The following CSRNP3 variants were observed in gnomAD, a reference collection of about 807,000 sequenced individuals.
The protein encoded by CSRNP3 is cysteine and serine rich nuclear protein 3.
CSRNP3 carries 12 observed loss-of-function variants against 48.0 expected under a neutral mutation model. The ratio of observed to expected loss-of-function variants is 0.25; its 90% CI spans 0.16 to 0.41. CSRNP3 has a LOEUF of 0.41. Among genes scored for constraint, CSRNP3 ranks in the 10% least tolerant of loss-of-function variants. The pLI is 1.00. For synonymous variants in CSRNP3, 263 were observed against 269.7 expected, an observed-to-expected ratio of 0.98 and a Z score of 0.24; for missense variants, 580 against 724.4, an observed-to-expected ratio of 0.80 and a Z score of 2.29.
intron 2 of CSRNP3, among the ~76,000 whole-genome samples, chr2:165,499,513 C>T (rs757045823): frequency 6.6e-6 from 1 of 152,058 alleles, no homozygotes; most frequent in Non-Finnish European, 1.5e-5. Flanking sequence ...AAAAAGAAAT[C>T]CTTCTTTTTT....
intron 3 of CSRNP3, among the ~76,000 whole-genome samples, chr2:165,530,822 C>T (rs182855050): frequency 4.3e-4 from 65 of 151,916 alleles, no homozygotes; most frequent in African/African-American, 1.5e-3. Context: ...GCATACATTT[C>T]CTGAAACAAA....
chr2:165,524,036 G>C (rs1684699043), intron 3 of CSRNP3, among the ~76,000 whole-genome samples: 1 of 152,086 alleles, frequency 6.6e-6, no homozygotes, highest in African/African-American at 2.4e-5. Flanking sequence ...ATGTCTAACA[G>C]GGACACACAC....
intron 3 of CSRNP3, among the ~76,000 whole-genome samples, chr2:165,549,288 T>C (rs1324670871): frequency 3.3e-5 from 5 of 152,254 alleles, no homozygotes; most frequent in African/African-American, 7.2e-5. Context: ...TGTTTTCTAG[T>C]ATGAAAATAT....
chr2:165,493,290 G>A (rs948111031), intron 1 of CSRNP3, among the ~76,000 whole-genome samples: 7 of 151,946 alleles, frequency 4.6e-5, no homozygotes, highest in Non-Finnish European at 1.0e-4. Context: ...GTATTTGATG[G>A]CTTAAGATGT....
chr2:165,541,622 A>T (rs1260436792), intron 3 of CSRNP3, among the ~76,000 whole-genome samples: 1 of 152,096 alleles, frequency 6.6e-6, no homozygotes, highest in African/African-American at 2.4e-5. Flanking sequence ...GAATTAGATA[A>T]TCTCTGCCTA....
chr2:165,554,473 A>T (rs1685137898), intron 3 of CSRNP3, among the ~76,000 whole-genome samples: 1 of 151,962 alleles, frequency 6.6e-6, no homozygotes, highest in African/African-American at 2.4e-5. Context: ...ACTAACCTGA[A>T]CTCTTGTTCT....
At position 165,689,269 on chromosome 2, in the gene CSRNP3, T is replaced by TAA. The variant is rs990435614; in HGVS notation, c.*9517_*9518dup. ...TTTTATTGCAGTGTGTATATATATA[T>TAA]AACAAATAAGCATTTTTAAGTCTTA... On this transcript the variant is annotated 3_prime_UTR_variant, in exon 7 of 7. Transcript: ENST00000651982. 5.3e-5 allele frequency: 8 copies of TAA among 152,152 alleles called. No individual in the cohort carries two copies. Among genetic ancestry groups the TAA allele is most frequent in the African/African-American group, 1.7e-4 (7 of 41,432 alleles). 9.4% of individuals were successfully genotyped at this position (152,152 alleles called of 1,614,324 possible). A position where few individuals can be genotyped will look rare whatever the true frequency, so the allele number is the denominator to read the frequency against.
chr2:165,664,104 T>C (rs1687139808), intron 5 of CSRNP3, among the ~76,000 whole-genome samples: 1 of 152,206 alleles, frequency 6.6e-6, no homozygotes. Context: ...CAACCAAACA[T>C]TCCTAGTTCT....
chr2:165,561,784 A>G (rs1410265813), intron 3 of CSRNP3, among the ~76,000 whole-genome samples: 1 of 152,116 alleles, frequency 6.6e-6, no homozygotes, highest in Non-Finnish European at 1.5e-5. Context: ...CCAGTAAGGA[A>G]TTTCTATTTT....
intron 4 of CSRNP3, among the ~76,000 whole-genome samples, chr2:165,634,896 G>T (rs181295606): frequency 1.3e-5 from 2 of 152,190 alleles, no homozygotes; most frequent in Non-Finnish European, 2.9e-5. Flanking sequence ...TTGTTATCTC[G>T]TCCAGGAAGG....
chr2:165,509,232 G>A (rs945456950), intron 2 of CSRNP3, among the ~76,000 whole-genome samples: 5 of 152,114 alleles, frequency 3.3e-5, no homozygotes, highest in Non-Finnish European at 7.3e-5. Flanking sequence ...ATAGGAATGG[G>A]GATAGCTATT....
At chr2:165,545,011 T>C (rs1003768827) in intron 3 of CSRNP3, among the ~76,000 whole-genome samples, 3 of 152,112 alleles carry the variant, frequency 2.0e-5, no homozygotes, top group Admixed American at 2.0e-4. Flanking sequence ...GAATGGGTAG[T>C]ATGGGCCACA....
chr2:165,646,684 A>G (rs1558960886), intron 4 of CSRNP3, among the ~76,000 whole-genome samples: 1 of 152,166 alleles, frequency 6.6e-6, no homozygotes, highest in African/African-American at 2.4e-5. Flanking sequence ...TGGTTGCAAC[A>G]GCGCGGGTAT....
Position 165,679,267 on chromosome 2 carries a change from G to C in CSRNP3, c.1272G>C (p.Lys424Asn). Residue 424 changes from lysine to asparagine, a missense_variant, in exon 7 of 7, where the codon AAG (lysine) becomes AAC (asparagine). Lys to Asn is a moderately conservative substitution (Grantham distance 94, BLOSUM62 0). Coordinates refer to ENST00000651982, the MANE Select transcript of CSRNP3 (RefSeq NM_001172173.2). ...CCGCCGTTCACGAAAGCCATGCAAAGAATGCTTCTTTTTATGCCAACTCTT... is the reference window on the plus strand; with the variant it reads ...CCGCCGTTCACGAAAGCCATGCAAACAATGCTTCTTTTTATGCCAACTCTT... The part of the protein sequence containing the change: ...DGTAVHESHA[K>N]NASFYANSST... 3 of 1,613,924 alleles carry C rather than the reference G, an allele frequency of 1.9e-6. No homozygotes were observed. The highest frequency in any genetic ancestry group is 1.7e-6 in the Non-Finnish European group (2 of 1,179,966).
chr2:165,499,017 G>A (rs576841570), intron 2 of CSRNP3, among the ~76,000 whole-genome samples: 12 of 152,198 alleles, frequency 7.9e-5, no homozygotes, highest in East Asian at 1.9e-4. Context: ...TAGAGTGTTC[G>A]TATTTTATAA....
chr2:165,639,831 A>G (rs961685908), intron 4 of CSRNP3, among the ~76,000 whole-genome samples: 8 of 152,184 alleles, frequency 5.3e-5, no homozygotes, highest in Admixed American at 3.9e-4. Context: ...TGTCTCTTAC[A>G]GATACCTTTT....
chr2:165,588,898 G>T (rs551241292), intron 3 of CSRNP3, among the ~76,000 whole-genome samples: 1 of 152,044 alleles, frequency 6.6e-6, no homozygotes, highest in Non-Finnish European at 1.5e-5. Flanking sequence ...GGAGGTTGAG[G>T]CTACAGTGAG....
At chr2:165,664,938 A>C (rs1372961932) in intron 5 of CSRNP3, among the ~76,000 whole-genome samples, 1 of 152,184 alleles carries the variant, frequency 6.6e-6, no homozygotes, top group Non-Finnish European at 1.5e-5. Flanking sequence ...ATAAACCAAA[A>C]TTTTGTAACA....
At chr2:165,612,826 GT>G (rs1686161673) in intron 4 of CSRNP3, among the ~76,000 whole-genome samples, 1 of 151,968 alleles carries the variant, frequency 6.6e-6, no homozygotes, top group Admixed American at 6.6e-5. Context: ...CCATTCATCT[GT>G]TGATGGACAA....
Sources: allele counts gnomAD v4.1 joint callset (sites outside exome capture counted in the v4.1 genomes callset), GRCh38; gene constraint gnomAD v4.1.1; transcripts MANE v1.5; gene names NCBI Gene and HGNC (gene_info 2026-07-23, HGNC 2026-07-21).